Variants in GTSE1 observed in about 807,000 individuals in gnomAD.
GTSE1 encodes G2 and S-phase expressed 1.
GTSE1 carries 52 observed loss-of-function variants against 60.5 expected under a neutral mutation model. The observed-to-expected ratio is 0.86, with a 90% confidence interval of 0.69 to 1.08. The LOEUF (loss-of-function observed/expected upper bound fraction) is 1.08, where lower values mean the gene tolerates loss of function less well. GTSE1 is among the 50% of genes least tolerant of loss of function. The pLI, the probability that GTSE1 is intolerant of heterozygous loss-of-function variation, is 0.00. For synonymous variants in GTSE1, 368 were observed against 386.5 expected (o/e 0.95, Z 0.56); for missense variants, 937 against 961.8 (o/e 0.97, Z 0.34).
intron 4 of GTSE1, among the ~76,000 whole-genome samples, chr22:46,311,500 T>C (rs532221406): frequency 6.6e-6 from 1 of 152,250 alleles, no homozygotes; most frequent in Non-Finnish European, 1.5e-5. Flanking sequence ...TTTTATGTTA[T>C]GAGAAGTATC....
rs1047825752 is a variant in GTSE1, at chr22:46,314,058, A to T, written c.1051+45A>T. On this transcript the variant is annotated intron_variant, in intron 6 of 11. Coordinates refer to ENST00000454366, the MANE Select transcript of GTSE1 (RefSeq NM_016426.7). The surrounding 1 kb of genome is among the most constrained non-coding windows in gnomAD (Gnocchi z 7.1). ...GCTTGGACCCACATCTGGCCAGGTGAGGCCTGGAGTGCTGCTCAGGCCTTG... is the reference window on the plus strand; with the variant it reads ...GCTTGGACCCACATCTGGCCAGGTGTGGCCTGGAGTGCTGCTCAGGCCTTG... The T allele has an allele frequency of 5.6e-6, 9 of 1,608,126 alleles. No individual in the cohort carries two copies. Among genetic ancestry groups the T allele is most frequent in the Non-Finnish European group, 7.7e-6 (9 of 1,175,658 alleles).
chr22:46,318,127 G>A lies in GTSE1; in HGVS notation c.1432+1715G>A, dbSNP rs1007178028. ...GTCAGTGAGGCCACTGGCCCCAGCA[G>A]GTGTCTGGCCATTAGTGGGTGGGTG... On this transcript the variant is annotated intron_variant, in intron 7 of 11. Coordinates refer to ENST00000454366, the MANE Select transcript of GTSE1 (RefSeq NM_016426.7). The surrounding 1 kb of genome is among the most constrained non-coding windows in gnomAD (Gnocchi z 4.8). 6.6e-6 allele frequency among the ~76,000 whole-genome samples: 1 copy of A among 152,258 alleles called. No homozygotes were observed. The highest frequency in any genetic ancestry group is 1.5e-5 in the Non-Finnish European group (1 of 68,052).
intron 9 of GTSE1, 155 bp downstream of exon 9, chr22:46,326,809 G>A: frequency 1.7e-6 from 1 of 576,202 alleles, no homozygotes; most frequent in Non-Finnish European, 3.0e-6. Context: ...AAGAGAAAAT[G>A]CAATAGACAT....
chr22:46,300,588 C>T (rs2077684006), intron 2 of GTSE1, among the ~76,000 whole-genome samples: 1 of 152,232 alleles, frequency 6.6e-6, no homozygotes, highest in Non-Finnish European at 1.5e-5. Flanking sequence ...CCCACCTCTA[C>T]ATGTCTCTCA....
chr22:46,298,600 G>A (rs76040540), intron 2 of GTSE1, among the ~76,000 whole-genome samples: 1,810 of 152,274 alleles, frequency 0.012, 42 homozygotes, highest in African/African-American at 0.041. Context: ...GAACCACCGC[G>A]CCTGGCCCCA....
chr22:46,316,561 C>T lies in GTSE1; in HGVS notation c.1432+149C>T, dbSNP rs2077781980. ...GTGTGACCCGCTGTCTTCTCGCCCA[C>T]GTTGTTTTGGGGGGTCACTGGAGGC... On this transcript the variant is annotated intron_variant, in intron 7 of 11. Coordinates refer to ENST00000454366, the MANE Select transcript of GTSE1 (RefSeq NM_016426.7). This position sits in a 1 kb window ranked among gnomAD's most constrained non-coding sequence, Gnocchi z 5.0. 6.2e-6 allele frequency: 4 copies of T among 640,954 alleles called. No individual in the cohort carries two copies. Among genetic ancestry groups the T allele is most frequent in the Non-Finnish European group, 1.1e-5 (4 of 377,796 alleles). 39.7% of individuals were successfully genotyped at this position (640,954 alleles called of 1,614,324 possible). A position where few individuals can be genotyped will look rare whatever the true frequency, so the allele number is the denominator to read the frequency against.
chr22:46,322,673 T>C (rs905704460), intron 7 of GTSE1, among the ~76,000 whole-genome samples: 1 of 152,110 alleles, frequency 6.6e-6, no homozygotes, highest in East Asian at 1.9e-4. Flanking sequence ...ATCATACACA[T>C]GGAAATGCTT....
chr22:46,297,495 TGCG>T lies in GTSE1; in HGVS notation c.79+20_79+22del. Reference sequence around the variant, plus strand: ...AAGAAGGAAGGCAAGTCCTTGCTGCTGCGGCGCTGTTGTTGTTCAGGATGTTCA... The same window carrying T: ...AAGAAGGAAGGCAAGTCCTTGCTGCTGCGCTGTTGTTGTTCAGGATGTTCA... On this transcript the variant is annotated intron_variant, in intron 2 of 11. Coordinates refer to ENST00000454366, the MANE Select transcript of GTSE1 (RefSeq NM_016426.7). This position sits in a 1 kb window ranked among gnomAD's most constrained non-coding sequence, Gnocchi z 4.9. 6.4e-7 allele frequency: 1 copy of T among 1,566,378 alleles called. No individual in the cohort carries two copies. Among genetic ancestry groups the T allele is most frequent in the Non-Finnish European group, 8.8e-7 (1 of 1,137,248 alleles).
chr22:46,308,071 T>G, intron 2 of GTSE1, 79 bp from the exon 3 acceptor site: 1 of 945,694 alleles, frequency 1.1e-6, no homozygotes, highest in Non-Finnish European at 1.7e-6. Context: ...CTTTATTTAA[T>G]TCCAAGCCAT....
At position 46,309,059 on chromosome 22, in the gene GTSE1, A is replaced by G. The variant is rs1055153466; in HGVS notation, c.762+116A>G. 2.6e-6 allele frequency: 3 copies of G among 1,153,050 alleles called. No homozygotes were observed. In the African/African-American group the frequency reaches 4.7e-5, roughly 18 times the overall value. 71.4% of individuals were successfully genotyped at this position (1,153,050 alleles called of 1,614,324 possible). On this transcript the variant is annotated intron_variant, in intron 4 of 11. Transcript: ENST00000454366. The surrounding 1 kb of genome is among the most constrained non-coding windows in gnomAD (Gnocchi z 6.2). ...GTGGCGAGTCTCTGAGGCCTACAAAACACAGGAATGCGGAGTCCAGGAAAA... is the reference window on the plus strand; with the variant it reads ...GTGGCGAGTCTCTGAGGCCTACAAAGCACAGGAATGCGGAGTCCAGGAAAA...
chr22:46,326,358 C>A (rs751662126), intron 8 of GTSE1, 78 bp from the exon 9 acceptor site: 30 of 1,240,506 alleles, frequency 2.4e-5, no homozygotes, highest in Non-Finnish European at 3.4e-5. Context: ...CTCAGCACTG[C>A]ATTAGCACAG....
rs1341959783 is a variant in GTSE1 at position 46,318,183 on chromosome 22, A to G, written c.1432+1771A>G. The stretch of plus-strand genomic sequence containing the variant: ...AAAGTTTTCATGAATTTCTTGAACA[A>G]TTGTGTGCAATGCAGAAAGTTCTCA... On this transcript the variant is annotated intron_variant, in intron 7 of 11. Coordinates refer to ENST00000454366, the MANE Select transcript of GTSE1 (RefSeq NM_016426.7). This position sits in a 1 kb window ranked among gnomAD's most constrained non-coding sequence, Gnocchi z 4.8. Among the ~76,000 whole-genome samples the G allele has an allele frequency of 1.3e-5, 2 of 152,236 alleles. No homozygotes were observed. The highest frequency in any genetic ancestry group is 2.4e-5 in the African/African-American group (1 of 41,460).
chr22:46,318,875 C>T lies in GTSE1; in HGVS notation c.1432+2463C>T, dbSNP rs897474244. Among the ~76,000 whole-genome samples the T allele has an allele frequency of 2.0e-5, 3 of 152,160 alleles. No individual in the cohort carries two copies. The highest frequency in any genetic ancestry group is 7.2e-5 in the African/African-American group (3 of 41,428). On this transcript the variant is annotated intron_variant, in intron 7 of 11. Transcript: ENST00000454366. This position sits in a 1 kb window ranked among gnomAD's most constrained non-coding sequence, Gnocchi z 4.8. The stretch of plus-strand genomic sequence containing the variant: ...GCTGCCGTGATGAGCTTCTCATCCT[C>T]ATGGTCTAGTGTGGCTGCACCGGCT...
chr22:46,298,794 C>T (rs2077672726), intron 2 of GTSE1, among the ~76,000 whole-genome samples: 1 of 152,198 alleles, frequency 6.6e-6, no homozygotes, highest in Admixed American at 6.5e-5. Context: ...GAGGCCTTCC[C>T]CACTTCCGTT....
rs1278541534 is a variant in GTSE1 at position 46,310,099 on chromosome 22, C to T, written c.762+1156C>T. Reference sequence around the variant, plus strand: ...GATGCACTCATGCACACGTGGGAGCCCCACCATGTCCTGCATGTTTCTCTG... The same window carrying T: ...GATGCACTCATGCACACGTGGGAGCTCCACCATGTCCTGCATGTTTCTCTG... On this transcript the variant is annotated intron_variant, in intron 4 of 11. Coordinates refer to ENST00000454366, the MANE Select transcript of GTSE1 (RefSeq NM_016426.7). This position sits in a 1 kb window ranked among gnomAD's most constrained non-coding sequence, Gnocchi z 4.4. 1.3e-5 allele frequency among the ~76,000 whole-genome samples: 2 copies of T among 152,170 alleles called. No homozygotes were observed. Among genetic ancestry groups the T allele is most frequent in the African/African-American group, 2.4e-5 (1 of 41,450 alleles).
chr22:46,302,611 C>T (rs1308602810), intron 2 of GTSE1, among the ~76,000 whole-genome samples: 1 of 152,186 alleles, frequency 6.6e-6, no homozygotes, highest in Non-Finnish European at 1.5e-5. Context: ...TTCCTCCCAC[C>T]TCAGCCTCCC....
At chr22:46,301,487 C>CTT (rs1201828353) in intron 2 of GTSE1, among the ~76,000 whole-genome samples, 3 of 124,044 alleles carry the variant, frequency 2.4e-5, no homozygotes, top group African/African-American at 2.9e-5. Context: ...ATTTTTAATA[C>CTT]TTTTTTTTTT....
In GTSE1 at chr22:46,329,537, T is replaced by C; in HGVS notation, c.2106T>C (p.Asn702=). 2.5e-6 allele frequency: 4 copies of C among 1,614,112 alleles called. No homozygotes were observed. Among genetic ancestry groups the C allele is most frequent in the Non-Finnish European group, 3.4e-6 (4 of 1,179,994 alleles). ...CAAACACTCCAGACATGAATAAAAA[T>C]GTGGCCAAACCTTCACCGGTGGTGG... ...LMTNTPDMNK[N]VAKPSPVVGQ... is the part of the protein sequence containing the mutation. Residue 702 remains asparagine (N), a synonymous_variant, in exon 11 of 12, where the codon AAT becomes AAC. Coordinates refer to ENST00000454366, the MANE Select transcript of GTSE1 (RefSeq NM_016426.7). The surrounding 1 kb of genome is among the most constrained non-coding windows in gnomAD (Gnocchi z 6.4).
chr22:46,307,480 C>A (rs141092551), intron 2 of GTSE1, among the ~76,000 whole-genome samples: 2 of 151,684 alleles, frequency 1.3e-5, no homozygotes, highest in Non-Finnish European at 2.9e-5. Context: ...TTTTGGGTGG[C>A]TTAGTGAACA....
Sources: allele counts gnomAD v4.1 joint callset (sites outside exome capture counted in the v4.1 genomes callset), GRCh38; gene constraint gnomAD v4.1.1; non-coding constraint Gnocchi (gnomAD v3.1); transcripts MANE v1.5; gene names NCBI Gene and HGNC (gene_info 2026-07-23, HGNC 2026-07-21).